RALGAPA1: variants seen among roughly 807,000 people sequenced by gnomAD.
RALGAPA1 encodes ral GTPase-activating protein subunit alpha-1.
RALGAPA1 carries 52 observed loss-of-function variants against 269.6 expected under a neutral mutation model. The ratio of observed to expected loss-of-function variants is 0.19; its 90% confidence interval spans 0.15 to 0.24. The LOEUF (loss-of-function observed/expected upper bound fraction) is 0.24. Ranked by LOEUF, RALGAPA1 falls within the 10% of genes least tolerant of loss-of-function variation. The pLI is 1.00. For synonymous variants in RALGAPA1, 817 were observed against 1,008.3 expected (o/e 0.81, Z 3.60); for missense variants, 1,917 against 3,013.9 (o/e 0.64, Z 8.52).
At chr14:35,674,307 C>T (rs1304392888) in intron 23 of RALGAPA1, 29 bp from the exon 24 acceptor site, 2 of 1,538,364 alleles carry the variant, frequency 1.3e-6, no homozygotes, top group Admixed American at 3.5e-5. Context: ...AAGCAACAAA[C>T]CTAAGAAAAC....
At position 35,683,969 on chromosome 14, in the gene RALGAPA1, G is replaced by T; in HGVS notation, c.4311C>A (p.Thr1437=). 6.2e-7 allele frequency: 1 copy of T among 1,609,322 alleles called. No homozygotes were observed. Among genetic ancestry groups the T allele is most frequent in the Non-Finnish European group, 8.5e-7 (1 of 1,178,108 alleles). ...CAGCAGAGGACGTAACCCCAGTGTCGGTTCCAAAGCCAAAATCTATAGGAA... is the reference window on the plus strand; with the variant it reads ...CAGCAGAGGACGTAACCCCAGTGTCTGTTCCAAAGCCAAAATCTATAGGAA... ...GRKFDNFGFG[T]DTGVTSSADV... Residue 1437 remains threonine, a synonymous_variant, in exon 21 of 42, where the codon ACC becomes ACA. Transcript: ENST00000680220.
intron 39 of RALGAPA1, among the ~76,000 whole-genome samples, chr14:35,561,795 C>T (rs2056285664): frequency 6.6e-6 from 1 of 151,934 alleles, no homozygotes; most frequent in African/African-American, 2.4e-5. Context: ...CAGGTGTGTA[C>T]CTGTAATACC....
At chr14:35,643,076 G>C (rs576540095) in intron 31 of RALGAPA1, among the ~76,000 whole-genome samples, 1 of 151,858 alleles carries the variant, frequency 6.6e-6, no homozygotes, top group South Asian at 2.1e-4. Context: ...GCAAACTGTC[G>C]CAAGGACAGA....
intron 9 of RALGAPA1, 25 bp from the exon 10 acceptor site, chr14:35,748,849 A>G (rs1461924699): frequency 1.3e-6 from 2 of 1,534,042 alleles, no homozygotes; most frequent in Admixed American, 2.2e-5. Flanking sequence ...AAAAAAAAAA[A>G]GAGAGAAACA....
chr14:35,794,294 G>A (rs1485458698), intron 1 of RALGAPA1, among the ~76,000 whole-genome samples: 2 of 151,842 alleles, frequency 1.3e-5, no homozygotes, highest in Non-Finnish European at 2.9e-5. Context: ...GGGCAACATA[G>A]GGAAACCCCC....
At chr14:35,765,995 G>A in intron 4 of RALGAPA1, 1 of 1,407,090 alleles carries the variant, frequency 7.1e-7, no homozygotes, top group South Asian at 1.2e-5. Flanking sequence ...AAAAGAGGAA[G>A]CAGAATCTCC....
Position 35,672,854 on chromosome 14 carries a change from T to C in RALGAPA1, c.5073+13A>G. 3 of 1,513,188 alleles carry C rather than the reference T, an allele frequency of 2.0e-6. No individual in the cohort carries two copies. Among genetic ancestry groups the C allele is most frequent in the South Asian group, 1.3e-5 (1 of 78,924 alleles). The allele number at this position is 1,513,188 out of a possible 1,614,324, so 93.7% of individuals were successfully genotyped here. A position where few individuals can be genotyped will look rare whatever the true frequency, so the allele number is the denominator to read the frequency against. On this transcript the variant is annotated intron_variant, in intron 25 of 41. Coordinates refer to ENST00000680220, the MANE Select transcript of RALGAPA1 (RefSeq NM_001346249.2). ...TAAACTACTTCTTAGATGATACATATATATATAGTTACCTGGTCAATATGA... is the reference window on the plus strand; with the variant it reads ...TAAACTACTTCTTAGATGATACATACATATATAGTTACCTGGTCAATATGA...
At chr14:35,733,292 A>C (rs1204080918) in intron 12 of RALGAPA1, among the ~76,000 whole-genome samples, 2 of 152,146 alleles carry the variant, frequency 1.3e-5, no homozygotes, top group Non-Finnish European at 2.9e-5. Context: ...AGCTTGACCA[A>C]CATGGAGAAA....
At chr14:35,613,351 G>C (rs181500235) in intron 35 of RALGAPA1, among the ~76,000 whole-genome samples, 172 of 152,098 alleles carry the variant, frequency 1.1e-3, no homozygotes, top group African/African-American at 3.9e-3. Context: ...CAAAGTGCTG[G>C]GATTACAGGT....
At chr14:35,767,932 G>A (rs78577773) in intron 4 of RALGAPA1, among the ~76,000 whole-genome samples, 6,169 of 152,070 alleles carry the variant, frequency 0.041, 360 homozygotes, top group African/African-American at 0.12. Flanking sequence ...GAGTCATCAC[G>A]TCTGGATAAT....
chr14:35,728,200 A>G lies in RALGAPA1; in HGVS notation c.1736+162T>C, dbSNP rs1458287470. The G allele has an allele frequency of 1.8e-5, 13 of 707,032 alleles. No individual in the cohort carries two copies. The South Asian group carries it at 2.8e-4, about 15-fold the overall frequency. The allele number at this position is 707,032 out of a possible 1,614,324, so 43.8% of individuals were successfully genotyped here. ...TCCGAACAAAGTTTCAGATAAGCTG[A>G]AAGGAACTATTGCCACTATGATTAA... On this transcript the variant is annotated intron_variant, in intron 13 of 41. Transcript: ENST00000680220.
At chr14:35,789,468 T>C (rs2076007958) in intron 1 of RALGAPA1, among the ~76,000 whole-genome samples, 1 of 152,050 alleles carries the variant, frequency 6.6e-6, no homozygotes, top group Non-Finnish European at 1.5e-5. Flanking sequence ...GGCACACGCC[T>C]GTTGCCCCAG....
chr14:35,646,432 A>C (rs1298019106), intron 31 of RALGAPA1, among the ~76,000 whole-genome samples: 1 of 152,216 alleles, frequency 6.6e-6, no homozygotes, highest in Non-Finnish European at 1.5e-5. Flanking sequence ...GAGGTGCACA[A>C]AATCTTCTGA....
At chr14:35,608,543 A>T (rs2139249880) in intron 35 of RALGAPA1, among the ~76,000 whole-genome samples, 1 of 152,320 alleles carries the variant, frequency 6.6e-6, no homozygotes. Context: ...ATAGAAACCA[A>T]CAGAGCTACA....
chr14:35,543,488 T>C (rs887833400), intron 41 of RALGAPA1, among the ~76,000 whole-genome samples: 5 of 152,184 alleles, frequency 3.3e-5, no homozygotes, highest in African/African-American at 1.2e-4. Context: ...TATCCTCTCT[T>C]ATGTTGATAG....
intron 28 of RALGAPA1, among the ~76,000 whole-genome samples, chr14:35,657,597 G>A (rs540447758): frequency 6.6e-6 from 1 of 151,752 alleles, no homozygotes; most frequent in South Asian, 2.1e-4. Flanking sequence ...CATAACACAA[G>A]CTGTTGTGTT....
intron 16 of RALGAPA1, among the ~76,000 whole-genome samples, chr14:35,719,769 G>GCCCTCTGTCGCTCCCTCTGTCGCT (rs148689149): frequency 6.6e-6 from 1 of 151,396 alleles, no homozygotes; most frequent in Admixed American, 6.6e-5. Context: ...AGACAGAGTC[G>GCCCTCTGTCGCTCCCTCTGTCGCT]CCCTCTGTCG....
chr14:35,732,366 G>A (rs1199645224), intron 12 of RALGAPA1, among the ~76,000 whole-genome samples: 11 of 151,098 alleles, frequency 7.3e-5, no homozygotes, highest in Non-Finnish European at 1.6e-4. Context: ...AAGGTACACA[G>A]GCAACAAATA....
chr14:35,701,436 A>C (rs2067343469), intron 16 of RALGAPA1, among the ~76,000 whole-genome samples: 5 of 152,154 alleles, frequency 3.3e-5, no homozygotes, highest in Admixed American at 2.6e-4. Flanking sequence ...GGCCTTTACG[A>C]CTTGCCTACA....
Sources: allele counts gnomAD v4.1 joint callset (sites outside exome capture counted in the v4.1 genomes callset), GRCh38; gene constraint gnomAD v4.1.1; transcripts MANE v1.5; gene names NCBI Gene and HGNC (gene_info 2026-07-23, HGNC 2026-07-21).